The following CDH11 variants were observed in gnomAD, a reference collection of about 807,000 sequenced individuals.
CDH11 encodes cadherin 11.
Under a neutral mutation model 67.8 loss-of-function variants are expected in CDH11, and 11 were observed. The ratio of observed to expected loss-of-function variants is 0.16; its 90% CI spans 0.10 to 0.27. The LOEUF (loss-of-function observed/expected upper bound fraction) is 0.27, where lower values mean the gene tolerates loss of function less well. CDH11 is among the 10% of genes least tolerant of loss of function. The pLI is 1.00. For missense variants in CDH11, 847 were observed against 1,031.2 expected, an observed-to-expected ratio of 0.82 and a Z score of 2.45; for synonymous variants, 419 against 400.0, an observed-to-expected ratio of 1.05 and a Z score of -0.57.
At chr16:65,076,729 C>A (rs1050110369) in intron 1 of CDH11, among the ~76,000 whole-genome samples, 1 of 124,662 alleles carries the variant, frequency 8.0e-6, no homozygotes, top group Non-Finnish European at 1.6e-5. Flanking sequence ...CTCCCTGTGT[C>A]CATATGTTCT....
chr16:65,057,781 C>T (rs1455084722), intron 1 of CDH11, among the ~76,000 whole-genome samples: 1 of 152,194 alleles, frequency 6.6e-6, no homozygotes, highest in Non-Finnish European at 1.5e-5. Flanking sequence ...ATGGCATATG[C>T]CCAAGTGCAT....
intron 2 of CDH11, among the ~76,000 whole-genome samples, chr16:65,046,987 T>C (rs192675868): frequency 2.3e-4 from 35 of 152,242 alleles, no homozygotes; most frequent in Non-Finnish European, 4.4e-4. Context: ...CATATGCCTG[T>C]AGTCCCAGTT....
chr16:65,058,211 G>A lies in CDH11; in HGVS notation c.-297-4283C>T, dbSNP rs566542261. 3.9e-5 allele frequency among the ~76,000 whole-genome samples: 6 copies of A among 152,246 alleles called. No individual in the cohort carries two copies. In the South Asian group the frequency reaches 1.2e-3, roughly 32 times the overall value. ...TACTCCAGCCTGGGTGACAAAGTGA[G>A]ACCCTGTCTCAAAAACAAAACAACA... On this transcript the variant is annotated intron_variant, in intron 1 of 12. Transcript: ENST00000268603.
intron 2 of CDH11, among the ~76,000 whole-genome samples, chr16:65,007,373 G>GAT (rs2073081610): frequency 6.6e-6 from 1 of 152,138 alleles, no homozygotes; most frequent in South Asian, 2.1e-4. Flanking sequence ...GACACTTTGG[G>GAT]ATATGTAAAA....
intron 1 of CDH11, among the ~76,000 whole-genome samples, chr16:65,069,173 C>T (rs909414112): frequency 6.6e-6 from 1 of 152,190 alleles, no homozygotes; most frequent in Non-Finnish European, 1.5e-5. Context: ...AGAATACATG[C>T]TGTGCATGGA....
chr16:64,994,095 G>C (rs879838071), intron 4 of CDH11, among the ~76,000 whole-genome samples: 5 of 152,180 alleles, frequency 3.3e-5, no homozygotes, highest in Non-Finnish European at 7.4e-5. Flanking sequence ...AGGCAAGGGA[G>C]CCAGTTTACA....
At chr16:64,968,443 C>T in intron 11 of CDH11, 1 of 984,948 alleles carries the variant, frequency 1.0e-6, no homozygotes, top group Non-Finnish European at 1.2e-6. Flanking sequence ...AAAACCTGGG[C>T]AGACATGCTC....
In CDH11 at chr16:64,950,773, G is replaced by C. The variant is rs2077792398; in HGVS notation, c.1888C>G (p.Leu630Val). ...LIAILACIVI[L>V]LVIVVLFVTL... is the part of the protein sequence containing the mutation. The stretch of plus-strand genomic sequence containing the variant: ...GACCAGGAAGCGCCCTTACCCAGGA[G>C]AATGACGATGCAGGCGAGGATGGCG... Residue 630 changes from leucine (L) to valine (V), a missense_variant, in exon 12 of 13, where the codon CTC (leucine) becomes GTC (valine). Leu to Val is a conservative substitution (Grantham distance 32, BLOSUM62 1). Around this residue, in one of 2 missense-constraint regions of CDH11, gnomAD observed 612 missense variants for 678.7 expected, o/e 0.90. Coordinates refer to ENST00000268603, the MANE Select transcript of CDH11 (RefSeq NM_001797.4). 13 of 1,613,674 alleles carry C rather than the reference G, an allele frequency of 8.1e-6. No individual in the cohort carries two copies. The highest frequency in any genetic ancestry group is 1.1e-5 in the Non-Finnish European group (13 of 1,179,652).
At chr16:64,948,223 G>A in intron 12 of CDH11, 124 bp from the exon 13 acceptor site, 6 of 1,259,992 alleles carry the variant, frequency 4.8e-6, no homozygotes, top group Non-Finnish European at 2.2e-6. Flanking sequence ...AACAGTATAG[G>A]AAATGAGAGC....
intron 2 of CDH11, among the ~76,000 whole-genome samples, chr16:65,034,866 A>G (rs1356168675): frequency 6.6e-6 from 1 of 152,126 alleles, no homozygotes; most frequent in Non-Finnish European, 1.5e-5. Flanking sequence ...TCTGAGGGAC[A>G]TGGCCAGGAA....
At chr16:65,039,850 A>C (rs2073830833) in intron 2 of CDH11, among the ~76,000 whole-genome samples, 1 of 152,214 alleles carries the variant, frequency 6.6e-6, no homozygotes. Context: ...CAATGAACTC[A>C]GACAGATTTA....
At chr16:65,062,946 C>A (rs908917736) in intron 1 of CDH11, among the ~76,000 whole-genome samples, 2 of 152,178 alleles carry the variant, frequency 1.3e-5, no homozygotes, top group Non-Finnish European at 2.9e-5. Flanking sequence ...AGCGGGTGCT[C>A]TACATCCTCA....
chr16:64,967,148 A>T (rs2071857062), intron 11 of CDH11, among the ~76,000 whole-genome samples: 1 of 152,228 alleles, frequency 6.6e-6, no homozygotes, highest in South Asian at 2.1e-4. Context: ...TAAAAATGGT[A>T]TAACATTTCT....
At chr16:65,015,444 GAA>G (rs761304503) in intron 2 of CDH11, among the ~76,000 whole-genome samples, 1 of 140,696 alleles carries the variant, frequency 7.1e-6, no homozygotes, top group African/African-American at 2.6e-5. Flanking sequence ...AATAAAGAGT[GAA>G]AAAAAAAACA....
chr16:65,084,879 A>T (rs191197306), intron 1 of CDH11, among the ~76,000 whole-genome samples: 209 of 152,262 alleles, frequency 1.4e-3, no homozygotes, highest in African/African-American at 4.6e-3. Context: ...AATTTCTTTT[A>T]CTGTCCTATC....
intron 11 of CDH11, among the ~76,000 whole-genome samples, chr16:64,963,167 A>G (rs2071718851): frequency 6.6e-6 from 1 of 152,236 alleles, no homozygotes; most frequent in Non-Finnish European, 1.5e-5. Context: ...GAAATTTAGA[A>G]CAACTGTGAT....
At chr16:65,036,801 T>A (rs958592868) in intron 2 of CDH11, among the ~76,000 whole-genome samples, 10 of 152,152 alleles carry the variant, frequency 6.6e-5, no homozygotes, top group Admixed American at 5.9e-4. Flanking sequence ...AGATACACTT[T>A]GAAGGCAAGA....
chr16:64,994,114 C>G (rs191459087), intron 4 of CDH11, among the ~76,000 whole-genome samples: 37 of 152,330 alleles, frequency 2.4e-4, no homozygotes, highest in Admixed American at 2.2e-3. Context: ...CACAGCCTAT[C>G]ACTACCTTTA....
rs1177986986 is a variant in CDH11, at chr16:65,122,006, C to G, written c.-424G>C. ...AGTCAGCGGCGGCTGCGAGCGGCCCCCGCGGCATCTGCTCCTCGGCCCGCG... is the reference window on the plus strand; with the variant it reads ...AGTCAGCGGCGGCTGCGAGCGGCCCGCGCGGCATCTGCTCCTCGGCCCGCG... On this transcript the variant is annotated 5_prime_UTR_variant, in exon 1 of 13. Transcript: ENST00000268603. 1.0e-5 allele frequency: 7 copies of G among 699,778 alleles called. No individual in the cohort carries two copies. The Admixed American group carries it at 1.4e-4, about 14-fold the overall frequency. 43.3% of individuals were successfully genotyped at this position (699,778 alleles called of 1,614,324 possible).
Sources: allele counts gnomAD v4.1 joint callset (sites outside exome capture counted in the v4.1 genomes callset), GRCh38; gene constraint gnomAD v4.1.1; regional missense constraint gnomAD v4.1.1; transcripts MANE v1.5; gene names NCBI Gene and HGNC (gene_info 2026-07-23, HGNC 2026-07-21).